SOCS5: variants seen among roughly 807,000 people sequenced by gnomAD.
SOCS5 encodes the protein suppressor of cytokine signaling 5, also known as CIS-6.
In SOCS5, 32 loss-of-function variants were observed where a neutral mutation model predicts 42.8. The ratio of observed to expected loss-of-function variants is 0.75; its 90% CI spans 0.56 to 1.01. The LOEUF (loss-of-function observed/expected upper bound fraction) is 1.01, where lower values mean the gene tolerates loss of function less well. Among genes scored for constraint, SOCS5 ranks in the 50% least tolerant of loss-of-function variants. SOCS5 has a pLI of 0.00. For missense variants in SOCS5, 627 were observed against 653.0 expected (o/e 0.96, Z 0.43); for synonymous variants, 283 against 229.6 (o/e 1.23, Z -2.10).
chr2:46,721,425 T>C (rs1227316252), intron 1 of SOCS5, among the ~76,000 whole-genome samples: 4 of 152,212 alleles, frequency 2.6e-5, no homozygotes, highest in African/African-American at 4.8e-5. Flanking sequence ...ATATTTGTTA[T>C]CAGTTTTTTA....
Position 46,759,828 on chromosome 2 carries a change from G to A in SOCS5, c.1298G>A (p.Trp433Ter). 6.2e-7 allele frequency: 1 copy of A among 1,614,116 alleles called. No individual in the cohort carries two copies. Among genetic ancestry groups the A allele is most frequent in the Non-Finnish European group, 8.5e-7 (1 of 1,180,020 alleles). ...NRSLHARIEQWNHNFSFDAHD... is the reference protein window; with the variant it reads ...NRSLHARIEQ Reference sequence around the variant, plus strand: ...TCCCTGCATGCCCGAATTGAGCAGTGGAATCACAACTTTAGTTTCGACGCC... The same window carrying A: ...TCCCTGCATGCCCGAATTGAGCAGTAGAATCACAACTTTAGTTTCGACGCC... Residue 433 changes from tryptophan (W) to a stop codon, truncating the protein, a stop_gained, in exon 2 of 2, where the codon TGG becomes TAG. Coordinates refer to ENST00000394861, the MANE Select transcript of SOCS5 (RefSeq NM_144949.3). LOFTEE classifies it high-confidence loss of function.
rs1401203076 is a variant in SOCS5, at chr2:46,762,964, T to A, written c.*2823T>A. The A allele has an allele frequency of 3.0e-5, 5 of 167,094 alleles. No individual in the cohort carries two copies. The highest frequency in any genetic ancestry group is 7.3e-5 in the Non-Finnish European group (5 of 68,104). The allele number at this position is 167,094 out of a possible 1,614,324, so 10.4% of individuals were successfully genotyped here. On this transcript the variant is annotated 3_prime_UTR_variant, in exon 2 of 2. Coordinates refer to ENST00000394861, the MANE Select transcript of SOCS5 (RefSeq NM_144949.3). ...CATATATACATTTATGTTGTTAATA[T>A]TACTTTAGATGGCATTTCCACCTGA...
chr2:46,733,461 A>G (rs1673172548), intron 1 of SOCS5, among the ~76,000 whole-genome samples: 4 of 151,742 alleles, frequency 2.6e-5, no homozygotes, highest in Non-Finnish European at 5.9e-5. Context: ...TAATTCCAGC[A>G]CTTTGGGAAA....
In SOCS5 at chr2:46,759,139, C is replaced by T. The variant is rs1673801982; in HGVS notation, c.609C>T (p.Ser203=). The T allele has an allele frequency of 5.6e-6, 9 of 1,613,882 alleles. No individual in the cohort carries two copies. Among genetic ancestry groups the T allele is most frequent in the Non-Finnish European group, 7.6e-6 (9 of 1,179,830 alleles). Residue 203 remains serine (S), a synonymous_variant, in exon 2 of 2, where the codon TCC becomes TCT. Coordinates refer to ENST00000394861, the MANE Select transcript of SOCS5 (RefSeq NM_144949.3). ...GCAAGCAGTCAAAGCCTCTCTTTTC[C>T]AATAAAAGAAAAATCCATCTCTCTG... is the stretch of plus-strand genomic sequence containing the variant. The part of the protein sequence containing the change: ...TYSKQSKPLF[S]NKRKIHLSEL...
chr2:46,747,430 G>T (rs1159776590), intron 1 of SOCS5, among the ~76,000 whole-genome samples: 1 of 152,050 alleles, frequency 6.6e-6, no homozygotes, highest in African/African-American at 2.4e-5. Flanking sequence ...TGCCCAGGCT[G>T]GTCTCAAACT....
At chr2:46,708,343 G>A (rs193118604) in intron 1 of SOCS5, among the ~76,000 whole-genome samples, 5 of 152,288 alleles carry the variant, frequency 3.3e-5, no homozygotes, top group African/African-American at 1.2e-4. Context: ...ATATATGCAA[G>A]TTTGGGAGAG....
At chr2:46,702,308 A>G (rs1023281425) in intron 1 of SOCS5, among the ~76,000 whole-genome samples, 1 of 152,208 alleles carries the variant, frequency 6.6e-6, no homozygotes, top group African/African-American at 2.4e-5. Context: ...ACTCTTTGGT[A>G]AGGGGGTACT....
chr2:46,730,531 C>T (rs565609308), intron 1 of SOCS5, among the ~76,000 whole-genome samples: 3 of 152,222 alleles, frequency 2.0e-5, no homozygotes, highest in East Asian at 1.9e-4. Context: ...ACTCAGGAGG[C>T]GGAGGTTGCA....
chr2:46,739,527 A>G (rs867125405), intron 1 of SOCS5, among the ~76,000 whole-genome samples: 2 of 152,198 alleles, frequency 1.3e-5, no homozygotes, highest in East Asian at 3.8e-4. Context: ...CATTATAAAG[A>G]TACAGTTTAA....
intron 1 of SOCS5, among the ~76,000 whole-genome samples, chr2:46,752,269 C>T (rs190780804): frequency 3.6e-4 from 55 of 151,814 alleles, no homozygotes; most frequent in East Asian, 1.7e-3. Flanking sequence ...TTGTGAACTG[C>T]GCACAGGGGA....
At chr2:46,736,953 AG>A (rs1673266074) in intron 1 of SOCS5, among the ~76,000 whole-genome samples, 1 of 152,124 alleles carries the variant, frequency 6.6e-6, no homozygotes, top group Non-Finnish European at 1.5e-5. Context: ...GCACTCAAAA[AG>A]TTTCAGAGTT....
At chr2:46,725,088 A>G (rs1317314483) in intron 1 of SOCS5, among the ~76,000 whole-genome samples, 1 of 151,954 alleles carries the variant, frequency 6.6e-6, no homozygotes, top group Non-Finnish European at 1.5e-5. Flanking sequence ...TTCTTGGTGA[A>G]TTGGCCTTTT....
At chr2:46,752,910 T>C (rs1315258512) in intron 1 of SOCS5, among the ~76,000 whole-genome samples, 2 of 152,230 alleles carry the variant, frequency 1.3e-5, no homozygotes, top group African/African-American at 4.8e-5. Context: ...ATTTCCCATT[T>C]TCAATTGATC....
chr2:46,729,037 G>A (rs930474337), intron 1 of SOCS5, among the ~76,000 whole-genome samples: 4 of 152,118 alleles, frequency 2.6e-5, no homozygotes, highest in South Asian at 4.1e-4. Context: ...CCCATAATTC[G>A]TTTTGACAAG....
intron 1 of SOCS5, among the ~76,000 whole-genome samples, chr2:46,746,282 A>G (rs2103748539): frequency 6.6e-6 from 1 of 152,218 alleles, no homozygotes; most frequent in South Asian, 2.1e-4. Flanking sequence ...CCCCAGAGTA[A>G]GTACAAAGGC....
intron 1 of SOCS5, among the ~76,000 whole-genome samples, chr2:46,729,448 A>C (rs1212897421): frequency 6.6e-6 from 1 of 152,216 alleles, no homozygotes; most frequent in Non-Finnish European, 1.5e-5. Flanking sequence ...AGCGTACTAT[A>C]CACCTAGGCC....
At chr2:46,733,832 G>T (rs1673181848) in intron 1 of SOCS5, among the ~76,000 whole-genome samples, 1 of 152,116 alleles carries the variant, frequency 6.6e-6, no homozygotes, top group Non-Finnish European at 1.5e-5. Flanking sequence ...TCATAATCTG[G>T]TTGAAGATAC....
chr2:46,762,430 T>G lies in SOCS5; in HGVS notation c.*2289T>G, dbSNP rs1000476668. On this transcript the variant is annotated 3_prime_UTR_variant, in exon 2 of 2. Coordinates refer to ENST00000394861, the MANE Select transcript of SOCS5 (RefSeq NM_144949.3). ...TTTATATGCTTGTAGCAAATTGATG[T>G]TCTAACTGTAGTTTTATAGAAAGTA... is the stretch of plus-strand genomic sequence containing the variant. 9 of 166,536 alleles carry G rather than the reference T, an allele frequency of 5.4e-5. No homozygotes were observed. Among genetic ancestry groups the G allele is most frequent in the African/African-American group, 2.2e-4 (9 of 41,478 alleles). 10.3% of individuals were successfully genotyped at this position (166,536 alleles called of 1,614,324 possible).
chr2:46,754,657 C>CTTT (rs1312207796), intron 1 of SOCS5, among the ~76,000 whole-genome samples: 1 of 151,788 alleles, frequency 6.6e-6, no homozygotes, highest in Non-Finnish European at 1.5e-5. Context: ...TAGTGTAACT[C>CTTT]TAAGGTTGAA....
Sources: allele counts gnomAD v4.1 joint callset (sites outside exome capture counted in the v4.1 genomes callset), GRCh38; gene constraint gnomAD v4.1.1; transcripts MANE v1.5; gene names NCBI Gene and HGNC (gene_info 2026-07-23, HGNC 2026-07-21).